Variants in NAT16 observed in about 807,000 individuals in gnomAD.
NAT16 encodes probable N-acetyltransferase 16.
NAT16 carries 16 observed loss-of-function variants against 15.9 expected under a neutral mutation model. The observed-to-expected ratio is 1.01, with a 90% CI of 0.68 to 1.53. The LOEUF (loss-of-function observed/expected upper bound fraction) is 1.53. Ranked by LOEUF, NAT16 falls within the 40% of genes most tolerant of loss-of-function variation. NAT16 has a pLI of 0.00. For synonymous variants in NAT16, 260 were observed against 241.9 expected, an observed-to-expected ratio of 1.07 and a Z score of -0.69; for missense variants, 572 against 508.4, an observed-to-expected ratio of 1.13 and a Z score of -1.20.
At position 101,171,738 on chromosome 7, in the gene NAT16, T is replaced by A; in HGVS notation, c.*341A>T. The A allele has an allele frequency of 4.6e-6, 1 of 219,154 alleles. No individual in the cohort carries two copies. The highest frequency in any genetic ancestry group is 8.9e-6 in the Non-Finnish European group (1 of 112,010). The allele number at this position is 219,154 out of a possible 1,614,324, so 13.6% of individuals were successfully genotyped here. A position where few individuals can be genotyped will look rare whatever the true frequency, so the allele number is the denominator to read the frequency against. On this transcript the variant is annotated 3_prime_UTR_variant, in exon 4 of 4. Coordinates refer to ENST00000300303, the MANE Select transcript of NAT16 (RefSeq NM_198571.3). ...GGGGGAGTTCACGCCCCGGGTGAGG[T>A]GATGGAGAGGGAAGGAAGGACTCTG...
chr7:101,174,058 C>A (rs553998927), intron 2 of NAT16: 1 of 265,164 alleles, frequency 3.8e-6, no homozygotes, highest in South Asian at 1.2e-4. Context: ...GCTCCAGCTC[C>A]GAGTGTGTCA....
Position 101,172,031 on chromosome 7 carries a change from T to A in NAT16, c.*48A>T. The stretch of plus-strand genomic sequence containing the variant: ...CAGGAAAGAGGCTGGCTGGGGAAAC[T>A]GCGGAAGGGGGCGGGTCTTTTTCCC... On this transcript the variant is annotated 3_prime_UTR_variant, in exon 4 of 4. Coordinates refer to ENST00000300303, the MANE Select transcript of NAT16 (RefSeq NM_198571.3). This position sits in a 1 kb window ranked among gnomAD's most constrained non-coding sequence, Gnocchi z 4.2. 7.3e-7 allele frequency: 1 copy of A among 1,368,646 alleles called. No individual in the cohort carries two copies. The highest frequency in any genetic ancestry group is 1.0e-6 in the Non-Finnish European group (1 of 980,512). 84.8% of individuals were successfully genotyped at this position (1,368,646 alleles called of 1,614,324 possible). A position where few individuals can be genotyped will look rare whatever the true frequency, so the allele number is the denominator to read the frequency against.
chr7:101,175,921 CAAAA>C (rs34778981), intron 1 of NAT16, among the ~76,000 whole-genome samples: 22 of 144,560 alleles, frequency 1.5e-4, no homozygotes, highest in Non-Finnish European at 1.4e-4. Flanking sequence ...GAACCTGTGT[CAAAA>C]AAAAAAAAAA....
chr7:101,174,457 C>T (rs1418463696), intron 2 of NAT16, 39 bp downstream of exon 2: 2 of 1,555,472 alleles, frequency 1.3e-6, no homozygotes, highest in Non-Finnish European at 1.7e-6. Context: ...CCGCAGGTGG[C>T]TTCACCCCAT....
chr7:101,178,004 G>T (rs1562876061), intron 1 of NAT16, among the ~76,000 whole-genome samples: 2 of 152,146 alleles, frequency 1.3e-5, no homozygotes, highest in Non-Finnish European at 2.9e-5. Flanking sequence ...GTGGTTCAGT[G>T]GTGCTTCCAG....
rs759556269 is a variant in NAT16 at position 101,174,787 on chromosome 7, A to G, written c.21T>C (p.Cys7=). The stretch of plus-strand genomic sequence containing the variant: ...TAGGGACCTCTGAGGTGGCTGTGCC[A>G]CAGCTGGCTTCCAGCTTCATGACCC... MKLEAS[C]GTATSEVPKP... is the part of the protein sequence containing the mutation. The change falls in exon 2 of 4, where the codon TGT becomes TGC. Residue 7 remains cysteine (C), a synonymous_variant. Coordinates refer to ENST00000300303, the MANE Select transcript of NAT16 (RefSeq NM_198571.3). 27 of 1,577,084 alleles carry G rather than the reference A, an allele frequency of 1.7e-5. No homozygotes were observed. The highest frequency in any genetic ancestry group is 2.1e-5 in the Non-Finnish European group (25 of 1,163,276).
Position 101,172,628 on chromosome 7 carries a change from G to T in NAT16, c.561C>A (p.Asn187Lys). ...CCAGCCCGGCCAGCAGCGCGGACGC[G>T]TTGAATCGGACCAAAAGGATGCCCT... The part of the protein sequence containing the change: ...TKQGILLVRF[N>K]ASALLAGLGA... The change falls in exon 4 of 4, where the codon AAC becomes AAA. Residue 187 changes from asparagine (N) to lysine (K), a missense_variant. Transcript: ENST00000300303. This position sits in a 1 kb window ranked among gnomAD's most constrained non-coding sequence, Gnocchi z 4.2. The T allele has an allele frequency of 6.6e-7, 1 of 1,523,016 alleles. No homozygotes were observed. The highest frequency in any genetic ancestry group is 1.4e-5 in the African/African-American group (1 of 70,052). 94.3% of individuals were successfully genotyped at this position (1,523,016 alleles called of 1,614,324 possible).
Position 101,174,522 on chromosome 7 carries a change from C to G in NAT16, c.286G>C (p.Val96Leu). Residue 96 changes from valine (V) to leucine (L), a missense_variant, in exon 2 of 4, where the codon GTG becomes CTG. Transcript: ENST00000300303. Reference protein sequence around the residue: ...SWLRDPDRTVVLAKRNGGVIA... With the variant: ...SWLRDPDRTVLLAKRNGGVIA... Reference sequence around the variant, plus strand: ...ACGCCTCCGTTGCGCTTGGCCAGCACCACCGTGCGGTCGGGGTCCCGGAGC... The same window carrying G: ...ACGCCTCCGTTGCGCTTGGCCAGCAGCACCGTGCGGTCGGGGTCCCGGAGC... 6.2e-7 allele frequency: 1 copy of G among 1,613,446 alleles called. No individual in the cohort carries two copies. Among genetic ancestry groups the G allele is most frequent in the Non-Finnish European group, 8.5e-7 (1 of 1,179,772 alleles).
chr7:101,173,197 C>G, intron 3 of NAT16, 99 bp downstream of exon 3: 1 of 1,116,618 alleles, frequency 9.0e-7, no homozygotes, highest in Non-Finnish European at 1.3e-6. Flanking sequence ...CGGTAAAGCC[C>G]AGAGAGAGAG....
rs772557794 is a variant in NAT16, at chr7:101,173,342, T to A, written c.491A>T (p.Gln164Leu). 1.5e-5 allele frequency: 25 copies of A among 1,613,922 alleles called. No individual in the cohort carries two copies. Among genetic ancestry groups the A allele is most frequent in the Non-Finnish European group, 2.0e-5 (24 of 1,179,996 alleles). ...VKVARLTRDD[Q>L]LGPRELKKYR... The stretch of plus-strand genomic sequence containing the variant: ...TTTCTTCAGCTCCCGGGGGCCCAGC[T>A]GGTCGTCCCGGGTGAGCCGTGCCAC... The change falls in exon 3 of 4, where the codon CAG (glutamine) becomes CTG (leucine). Residue 164 changes from glutamine (Q) to leucine (L), a missense_variant. By Grantham distance (113) the Gln-to-Leu change is moderately radical. Transcript: ENST00000300303.
rs1292753301 is a variant in NAT16, at chr7:101,172,621, C to T, written c.568G>A (p.Ala190Thr). The T allele has an allele frequency of 3.9e-6, 6 of 1,524,006 alleles. No individual in the cohort carries two copies. The highest frequency in any genetic ancestry group is 1.7e-6 in the Non-Finnish European group (2 of 1,144,124). The allele number at this position is 1,524,006 out of a possible 1,614,324, so 94.4% of individuals were successfully genotyped here. The change falls in exon 4 of 4, where the codon GCG becomes ACG. Residue 190 changes from alanine (A) to threonine (T), a missense_variant. Ala to Thr is a moderately conservative substitution (Grantham distance 58, BLOSUM62 0). Transcript: ENST00000300303. This position sits in a 1 kb window ranked among gnomAD's most constrained non-coding sequence, Gnocchi z 4.2. ...GILLVRFNAS[A>T]LLAGLGARLA... ...CGCGCGCCCAGCCCGGCCAGCAGCGCGGACGCGTTGAATCGGACCAAAAGG... is the reference window on the plus strand; with the variant it reads ...CGCGCGCCCAGCCCGGCCAGCAGCGTGGACGCGTTGAATCGGACCAAAAGG...
At chr7:101,179,487 T>G (rs1435070127) in intron 1 of NAT16, among the ~76,000 whole-genome samples, 1 of 132,894 alleles carries the variant, frequency 7.5e-6, no homozygotes, top group African/African-American at 2.9e-5. Flanking sequence ...GGGGAAGGGG[T>G]CAAGGGGAAA....
intron 1 of NAT16, among the ~76,000 whole-genome samples, chr7:101,178,816 G>A (rs912470788): frequency 1.4e-5 from 2 of 144,468 alleles, no homozygotes; most frequent in African/African-American, 2.6e-5. Context: ...GCTTCAACCC[G>A]GGAGGCCGAG....
intron 1 of NAT16, among the ~76,000 whole-genome samples, chr7:101,177,433 C>T (rs1190860351): frequency 1.3e-5 from 2 of 152,108 alleles, no homozygotes; most frequent in African/African-American, 2.4e-5. Flanking sequence ...GCCTCAACCT[C>T]CTGGGCTCAA....
In NAT16 at chr7:101,172,544, G is replaced by A. The variant is rs1797351401; in HGVS notation, c.645C>T (p.Ala215=). ...CCACGTCGCCGCCTGCCTCGGACAC[G>A]GCCTCGGTGGGCAGCGGCGAGAAGG... ...SGTFSPLPTE[A]VSEAGGDVAR... is the part of the protein sequence containing the mutation. Residue 215 remains alanine (A), a synonymous_variant, in exon 4 of 4, where the codon GCC becomes GCT. Transcript: ENST00000300303. This position sits in a 1 kb window ranked among gnomAD's most constrained non-coding sequence, Gnocchi z 4.2. 6.4e-7 allele frequency: 1 copy of A among 1,561,114 alleles called. No individual in the cohort carries two copies. The highest frequency in any genetic ancestry group is 8.6e-7 in the Non-Finnish European group (1 of 1,161,856).
At position 101,172,484 on chromosome 7, in the gene NAT16, G is replaced by A. The variant is rs762206776; in HGVS notation, c.705C>T (p.Asp235=). Residue 235 remains aspartate (D), a synonymous_variant, in exon 4 of 4, where the codon GAC becomes GAT. Transcript: ENST00000300303. This position sits in a 1 kb window ranked among gnomAD's most constrained non-coding sequence, Gnocchi z 4.2. ...RLLLSPSVQR[D]VLPGGTIIQD... ...GGATGATGGTCCCGCCTGGAAGCAC[G>A]TCGCGCTGCACGGAGGGTGACAGCA... 1.9e-6 allele frequency: 3 copies of A among 1,598,446 alleles called. No homozygotes were observed. The African/African-American group carries it at 4.0e-5, about 21-fold the overall frequency.
Position 101,174,513 on chromosome 7 carries a change from T to A in NAT16, c.295A>T (p.Lys99Ter), listed in dbSNP as rs762482160. The change falls in exon 2 of 4, where the codon AAG becomes TAG. Residue 99 changes from lysine to a stop codon, truncating the protein, a stop_gained. Coordinates refer to ENST00000300303, the MANE Select transcript of NAT16 (RefSeq NM_198571.3). LOFTEE classifies it high-confidence loss of function. ...GGGCTCACCACGCCTCCGTTGCGCTTGGCCAGCACCACCGTGCGGTCGGGG... is the reference window on the plus strand; with the variant it reads ...GGGCTCACCACGCCTCCGTTGCGCTAGGCCAGCACCACCGTGCGGTCGGGG... ...RDPDRTVVLAKRNGGVIALES... is the reference protein window; with the variant it reads ...RDPDRTVVLA 1.2e-6 allele frequency: 2 copies of A among 1,612,844 alleles called. No individual in the cohort carries two copies. Among genetic ancestry groups the A allele is most frequent in the Non-Finnish European group, 1.7e-6 (2 of 1,179,598 alleles).
At chr7:101,179,412 T>A (rs1380632291) in intron 1 of NAT16, among the ~76,000 whole-genome samples, 1 of 148,896 alleles carries the variant, frequency 6.7e-6, no homozygotes, top group Non-Finnish European at 1.5e-5. Flanking sequence ...CCTGGGACAC[T>A]GTAAATAGAA....
rs760979596 is a variant in NAT16, at chr7:101,172,410, G to A, written c.779C>T (p.Ala260Val). The change falls in exon 4 of 4, where the codon GCG becomes GTG. Residue 260 changes from alanine to valine, a missense_variant. By Grantham distance (64) the Ala-to-Val change is moderately conservative. Coordinates refer to ENST00000300303, the MANE Select transcript of NAT16 (RefSeq NM_198571.3). This position sits in a 1 kb window ranked among gnomAD's most constrained non-coding sequence, Gnocchi z 4.2. ...RPSESNLRLLAAKGLEWRVDS... is the reference protein window; with the variant it reads ...RPSESNLRLLVAKGLEWRVDS... ...CACGCGCCACTCCAGGCCCTTGGCC[G>A]CCAGCAGGCGCAGGTTGCTTTCGCT... The A allele has an allele frequency of 1.9e-6, 3 of 1,578,486 alleles. No individual in the cohort carries two copies. Among genetic ancestry groups the A allele is most frequent in the East Asian group, 2.3e-5 (1 of 42,948 alleles).
Sources: gnomAD v4.1 joint callset for allele counts (sites outside exome capture counted in the v4.1 genomes callset) on GRCh38, gnomAD v4.1.1 for gene constraint, Gnocchi (gnomAD v3.1) non-coding constraint, MANE v1.5 for transcripts, NCBI Gene and HGNC (gene_info 2026-07-23, HGNC 2026-07-21) for gene names.